UGT3A1: variants seen among roughly 807,000 people sequenced by gnomAD.
UGT3A1 encodes UDP glycosyltransferase family 3 member A1, also known as UDP-glycosyltransferase 3A1.
In UGT3A1, 40 loss-of-function variants were observed where a neutral mutation model predicts 37.6. The ratio of observed to expected loss-of-function variants is 1.06; its 90% confidence interval spans 0.83 to 1.38. The LOEUF is 1.38. UGT3A1 is among the 40% of genes most tolerant of loss of function. The pLI is 0.00. For synonymous variants in UGT3A1, 256 were observed against 232.3 expected, an observed-to-expected ratio of 1.10 and a Z score of -0.93; for missense variants, 642 against 634.2, an observed-to-expected ratio of 1.01 and a Z score of -0.13.
intron 4 of UGT3A1, among the ~76,000 whole-genome samples, chr5:35,960,476 C>T (rs572020677): frequency 8.0e-4 from 122 of 152,256 alleles, no homozygotes; most frequent in African/African-American, 2.8e-3. Context: ...TCAGTTTGGC[C>T]GCAGCCTCCG....
chr5:35,988,354 T>A, intron 2 of UGT3A1, 96 bp downstream of exon 2: 1 of 827,652 alleles, frequency 1.2e-6, no homozygotes, highest in East Asian at 2.7e-5. Flanking sequence ...TAAGACTAGA[T>A]TCAAAGAAGT....
rs1395716571 is a variant in UGT3A1 at position 35,988,556 on chromosome 5, A to G, written c.95-5T>C. ...ACAGTAGGTAATGGCTTCCACCTAGAAACAATGCACAATGTCTTTTGTAAA... is the reference window on the plus strand; with the variant it reads ...ACAGTAGGTAATGGCTTCCACCTAGGAACAATGCACAATGTCTTTTGTAAA... On this transcript the variant is annotated splice_polypyrimidine_tract_variant and splice_region_variant and intron_variant, in intron 1 of 6. Coordinates refer to ENST00000274278, the MANE Select transcript of UGT3A1 (RefSeq NM_152404.4). The G allele has an allele frequency of 6.3e-7, 1 of 1,599,544 alleles. No homozygotes were observed. Among genetic ancestry groups the G allele is most frequent in the African/African-American group, 1.3e-5 (1 of 74,132 alleles).
chr5:35,979,744 T>C (rs1217232817), intron 2 of UGT3A1, among the ~76,000 whole-genome samples: 1 of 152,202 alleles, frequency 6.6e-6, no homozygotes, highest in Non-Finnish European at 1.5e-5. Flanking sequence ...TTTACTGTAT[T>C]AGTCTGCTTT....
At chr5:35,993,194 G>T (rs1002841197), upstream of UGT3A1, among the ~76,000 whole-genome samples, 1 of 152,034 alleles carries the variant, frequency 6.6e-6, no homozygotes, top group African/African-American at 2.4e-5. Flanking sequence ...GGCCAGGCAC[G>T]GTGGCTCACG....
intron 6 of UGT3A1, chr5:35,954,698 T>C (rs1420032161): frequency 1.7e-6 from 1 of 580,462 alleles, no homozygotes; most frequent in Admixed American, 3.0e-5. Context: ...CAATGATTAA[T>C]TCTAAAAGTG....
chr5:35,983,579 C>T (rs1740614761), intron 2 of UGT3A1, among the ~76,000 whole-genome samples: 1 of 151,852 alleles, frequency 6.6e-6, no homozygotes, highest in African/African-American at 2.4e-5. Context: ...CAAAATCAGA[C>T]AAGGGCATAA....
chr5:35,994,868 T>C (rs965668535), upstream of UGT3A1, among the ~76,000 whole-genome samples: 1 of 152,150 alleles, frequency 6.6e-6, no homozygotes, highest in Non-Finnish European at 1.5e-5. Context: ...ATGGGTATTG[T>C]GGCAAATAGT....
Position 35,990,338 on chromosome 5 carries a change from A to G in UGT3A1, c.94+809T>C, listed in dbSNP as rs112329668. ...GCTCTAAGAGCCCTGATTCTCCGTGATCTAAAAGGAATCCTTTAGCGCCCA... is the reference window on the plus strand; with the variant it reads ...GCTCTAAGAGCCCTGATTCTCCGTGGTCTAAAAGGAATCCTTTAGCGCCCA... On this transcript the variant is annotated intron_variant, in intron 1 of 6. Coordinates refer to ENST00000274278, the MANE Select transcript of UGT3A1 (RefSeq NM_152404.4). Among the ~76,000 whole-genome samples, 712 of 152,148 alleles carry G rather than the reference A, an allele frequency of 4.7e-3. 8 individuals carry two copies. Among genetic ancestry groups the G allele is most frequent in the Non-Finnish European group, 6.5e-3 (444 of 67,996 alleles).
intron 4 of UGT3A1, among the ~76,000 whole-genome samples, chr5:35,963,561 C>T (rs1401996788): frequency 1.3e-5 from 2 of 152,220 alleles, no homozygotes; most frequent in African/African-American, 4.8e-5. Flanking sequence ...AAGAAAAACA[C>T]AGCTTAAGGG....
At chr5:35,992,818 T>G (rs1164006232), upstream of UGT3A1, among the ~76,000 whole-genome samples, 1 of 152,136 alleles carries the variant, frequency 6.6e-6, no homozygotes, top group Non-Finnish European at 1.5e-5. Context: ...TTTATGTTAT[T>G]ATGAAAGGAA....
At position 35,957,376 on chromosome 5, in the gene UGT3A1, A is replaced by C; in HGVS notation, c.887T>G (p.Val296Gly). Residue 296 changes from valine (V) to glycine (G), a missense_variant, in exon 5 of 7, where the codon GTC becomes GGC. Coordinates refer to ENST00000274278, the MANE Select transcript of UGT3A1 (RefSeq NM_152404.4). ...CAACATGGAGCCAAAGGCCACAAGG[A>C]CAAACCCTGCATCCCCAAAGTTGGC... ...FIANFGDAGF[V>G]LVAFGSMLNT... The C allele has an allele frequency of 1.2e-6, 2 of 1,614,182 alleles. No homozygotes were observed. Among genetic ancestry groups the C allele is most frequent in the South Asian group, 2.2e-5 (2 of 91,074 alleles).
intron 4 of UGT3A1, among the ~76,000 whole-genome samples, chr5:35,959,241 GAAGT>G (rs578056758): frequency 3.3e-4 from 51 of 152,286 alleles, no homozygotes; most frequent in African/African-American, 1.2e-3. Context: ...AAGACTGACA[GAAGT>G]AACTAATTGT....
upstream of UGT3A1, among the ~76,000 whole-genome samples, chr5:35,993,018 C>G (rs921175356): frequency 5.9e-5 from 9 of 152,120 alleles, no homozygotes; most frequent in African/African-American, 2.2e-4. Flanking sequence ...CGTGGCAATG[C>G]AAATTGATAG....
intron 1 of UGT3A1, 61 bp from the exon 2 acceptor site, chr5:35,988,612 G>C: frequency 8.0e-7 from 1 of 1,242,848 alleles, no homozygotes; most frequent in Non-Finnish European, 1.2e-6. Flanking sequence ...TGACAATATG[G>C]GAGTAGGCAG....
intron 2 of UGT3A1, 137 bp from the exon 3 acceptor site, chr5:35,968,270 G>C: frequency 3.3e-6 from 2 of 606,388 alleles, no homozygotes; most frequent in Non-Finnish European, 5.5e-6. Flanking sequence ...ATTTGGTTTT[G>C]TTTTTCTTTT....
intron 2 of UGT3A1, among the ~76,000 whole-genome samples, chr5:35,974,001 G>A (rs1011956608): frequency 2.6e-5 from 4 of 152,070 alleles, no homozygotes; most frequent in African/African-American, 9.7e-5. Context: ...GTCCTAAATA[G>A]ATTAAACAAA....
upstream of UGT3A1, among the ~76,000 whole-genome samples, chr5:35,996,003 C>T (rs74384538): frequency 2.0e-3 from 285 of 139,580 alleles, 5 homozygotes; most frequent in East Asian, 0.053. Flanking sequence ...CTTAGCTGAT[C>T]AAATATCCTG....
intron 2 of UGT3A1, among the ~76,000 whole-genome samples, chr5:35,971,465 C>T (rs978710452): frequency 1.3e-3 from 70 of 53,230 alleles, no homozygotes; most frequent in African/African-American, 3.6e-3. Flanking sequence ...CACACGCATA[C>T]ACACACACAC....
In UGT3A1 at chr5:35,975,809, A is replaced by T. The variant is rs149192873; in HGVS notation, c.197-7676T>A. ...TGCTGCACCCATTAACACGTCATTT[A>T]CATTAGGTATATCTCCTAATGCTAT... On this transcript the variant is annotated intron_variant, in intron 2 of 6. Transcript: ENST00000274278. Among the ~76,000 whole-genome samples, 784 of 152,244 alleles carry T rather than the reference A, an allele frequency of 5.1e-3. 19 individuals are homozygous for T. The East Asian group carries it at 0.055, about 11-fold the overall frequency.
Sources: allele counts gnomAD v4.1 joint callset (sites outside exome capture counted in the v4.1 genomes callset), GRCh38; gene constraint gnomAD v4.1.1; transcripts MANE v1.5; gene names NCBI Gene and HGNC (gene_info 2026-07-23, HGNC 2026-07-21).